Variants in CBR4 observed in about 807,000 individuals in gnomAD.
CBR4 encodes 3-oxoacyl-[acyl-carrier-protein] reductase.
Under a neutral mutation model 21.0 loss-of-function variants are expected in CBR4, and 22 were observed. The observed-to-expected ratio is 1.05, with a 90% confidence interval of 0.75 to 1.50. The LOEUF is 1.50. Ranked by LOEUF, CBR4 falls within the 40% of genes most tolerant of loss-of-function variation. The probability of loss-of-function intolerance (pLI) is 0.00; values close to 1 mark genes in which losing one functional copy is unlikely to be tolerated. For missense variants in CBR4, 302 were observed against 286.3 expected, an observed-to-expected ratio of 1.05 and a Z score of -0.40; for synonymous variants, 100 against 104.4, an observed-to-expected ratio of 0.96 and a Z score of 0.26.
Position 169,007,645 on chromosome 4 carries a change from C to T in CBR4, c.254G>A (p.Gly85Asp). ...TAAATCTGTGACCAACCTGTTAATA[C>T]CAGCTGCATTTACCAAGAAATTTAC... ...GRVNFLVNAA[G>D]INRDGLLVRT... The change falls in exon 2 of 5, where the codon GGT becomes GAT. Residue 85 changes from glycine (G) to aspartate (D), a missense_variant. Gly to Asp is a moderately conservative substitution (Grantham distance 94, BLOSUM62 -1). Transcript: ENST00000306193. 1.3e-6 allele frequency: 2 copies of T among 1,570,348 alleles called. No individual in the cohort carries two copies. The highest frequency in any genetic ancestry group is 4.8e-5 in the East Asian group (2 of 42,040).
At position 168,976,695 on chromosome 4, in the gene CBR4, C is replaced by T. The variant is rs112750524; in HGVS notation, n.169+25376G>A. 1.2e-3 allele frequency among the ~76,000 whole-genome samples: 179 copies of T among 152,076 alleles called. 1 individual carries two copies. The highest frequency in any genetic ancestry group is 3.4e-3 in the African/African-American group (142 of 41,460). On this transcript the variant is annotated intron_variant and non_coding_transcript_variant, in intron 2 of 3. Coordinates refer to the CBR4 transcript ENST00000509108. ...TCAAAGGTGTGGAGGGTGTATCATA[C>T]GAAGTACATTCACAAGGGTGGGGGA...
At chr4:168,996,508 T>C (rs1157310450) in intron 4 of CBR4, among the ~76,000 whole-genome samples, 1 of 151,586 alleles carries the variant, frequency 6.6e-6, no homozygotes, top group African/African-American at 2.4e-5. Context: ...TTAAGTAAAG[T>C]CCATAGTTTA....
downstream of CBR4, among the ~76,000 whole-genome samples, chr4:168,983,154 T>C (rs1248102311): frequency 1.3e-5 from 2 of 152,092 alleles, no homozygotes; most frequent in East Asian, 3.9e-4. Context: ...ATAAATAAGA[T>C]TGATAGACTG....
At chr4:168,903,007 C>G (rs1756881339) in intron 2 of CBR4, among the ~76,000 whole-genome samples, 1 of 152,126 alleles carries the variant, frequency 6.6e-6, no homozygotes, top group Non-Finnish European at 1.5e-5. Context: ...GAGCAATCCT[C>G]CTCAGCCTCC....
rs780747298 is a variant in CBR4 at position 168,903,840 on chromosome 4, C to G, written n.170-9075G>C. 1.2e-6 allele frequency: 2 copies of G among 1,613,328 alleles called. No homozygotes were observed. The highest frequency in any genetic ancestry group is 1.7e-5 in the Admixed American group (1 of 59,996). On this transcript the variant is annotated intron_variant and non_coding_transcript_variant, in intron 2 of 3. Transcript: ENST00000509108. ...AAAGAGATCTCGATGGGACCTGCTCCCTCCATACCACAGCCTCCACCCTAG... is the reference window on the plus strand; with the variant it reads ...AAAGAGATCTCGATGGGACCTGCTCGCTCCATACCACAGCCTCCACCCTAG...
chr4:169,002,546 A>T (rs1483477508), intron 3 of CBR4, among the ~76,000 whole-genome samples: 1 of 152,250 alleles, frequency 6.6e-6, no homozygotes, highest in African/African-American at 2.4e-5. Context: ...AAAGGCTTCC[A>T]GCAGGTAGAG....
intron 2 of CBR4, chr4:168,904,388 G>A (rs1757182748): frequency 6.2e-6 from 1 of 160,074 alleles, no homozygotes; most frequent in African/African-American, 2.4e-5. Context: ...AATTTTGATA[G>A]CATTCAGGTT....
intron 2 of CBR4, among the ~76,000 whole-genome samples, chr4:168,970,778 A>G (rs1764182042): frequency 6.6e-6 from 1 of 152,090 alleles, no homozygotes; most frequent in South Asian, 2.1e-4. Flanking sequence ...AGCTTTATCC[A>G]GGTTGCTGCG....
intron 2 of CBR4, among the ~76,000 whole-genome samples, chr4:168,943,781 G>A (rs6831097): frequency 0.53 from 80,269 of 151,886 alleles, 24,794 homozygotes; most frequent in East Asian, 0.87. Context: ...ATAGTGGCAC[G>A]CACCTGTAGT....
intron 2 of CBR4, among the ~76,000 whole-genome samples, chr4:168,899,118 T>G (rs2151268637): frequency 6.6e-6 from 1 of 152,316 alleles, no homozygotes; most frequent in Admixed American, 6.5e-5. Context: ...CACCACTGGT[T>G]GTAAAAACTT....
chr4:168,906,197 A>T (rs967204213), intron 2 of CBR4, among the ~76,000 whole-genome samples: 30 of 152,124 alleles, frequency 2.0e-4, no homozygotes, highest in Non-Finnish European at 7.4e-5. Context: ...GTCCTTACGT[A>T]TTTGCCAACA....
chr4:168,925,145 C>A, intron 2 of CBR4: 1 of 1,586,990 alleles, frequency 6.3e-7, no homozygotes, highest in Non-Finnish European at 8.7e-7. Context: ...GACATCTGGA[C>A]AGCAAATCAC....
intron 4 of CBR4, among the ~76,000 whole-genome samples, chr4:168,994,611 C>T (rs558886939): frequency 6.6e-6 from 1 of 152,230 alleles, no homozygotes; most frequent in Admixed American, 6.5e-5. Context: ...GACAGTCTGG[C>T]TCTGTCACCC....
intron 2 of CBR4, among the ~76,000 whole-genome samples, chr4:168,976,317 T>C (rs1764370227): frequency 6.6e-6 from 1 of 152,222 alleles, no homozygotes; most frequent in African/African-American, 2.4e-5. Context: ...CTCCTCCTGC[T>C]GCTTCTTCTA....
At chr4:168,947,769 C>T (rs1763432413) in intron 2 of CBR4, among the ~76,000 whole-genome samples, 1 of 152,098 alleles carries the variant, frequency 6.6e-6, no homozygotes, top group East Asian at 1.9e-4. Flanking sequence ...TTTCTTCATC[C>T]ACTCATTGAT....
chr4:168,935,638 G>A (rs1222628969), intron 2 of CBR4, among the ~76,000 whole-genome samples: 1 of 152,162 alleles, frequency 6.6e-6, no homozygotes, highest in Non-Finnish European at 1.5e-5. Context: ...ATAAAAAAAA[G>A]CCTCCAGGAA....
intron 2 of CBR4, among the ~76,000 whole-genome samples, chr4:168,897,358 T>C (rs1234311566): frequency 1.3e-5 from 2 of 152,236 alleles, no homozygotes; most frequent in African/African-American, 4.8e-5. Context: ...TTTTAAACAC[T>C]GAGTAACTTC....
chr4:168,914,723 C>T (rs1197539548), intron 2 of CBR4, among the ~76,000 whole-genome samples: 1 of 152,130 alleles, frequency 6.6e-6, no homozygotes, highest in Non-Finnish European at 1.5e-5. Flanking sequence ...ACAGAATATC[C>T]TCAAATAGTC....
chr4:168,924,161 G>T (rs1448639179), intron 2 of CBR4: 3 of 1,084,866 alleles, frequency 2.8e-6, no homozygotes, highest in African/African-American at 3.1e-5. Context: ...TATCATAAAA[G>T]ATCTATTCAA....
Sources: gnomAD v4.1 joint callset for allele counts (sites outside exome capture counted in the v4.1 genomes callset) on GRCh38, gnomAD v4.1.1 for gene constraint, MANE v1.5 for transcripts, NCBI Gene and HGNC (gene_info 2026-07-23, HGNC 2026-07-21) for gene names.